PTPRA: variants seen among roughly 807,000 people sequenced by gnomAD.
PTPRA encodes protein tyrosine phosphatase receptor type A, also known as receptor-type tyrosine-protein phosphatase alpha.
In PTPRA, 25 loss-of-function variants were observed where a neutral mutation model predicts 104.8. The ratio of observed to expected loss-of-function variants is 0.24; its 90% CI spans 0.17 to 0.33. The LOEUF is 0.33. PTPRA is among the 10% of genes least tolerant of loss of function. PTPRA has a pLI of 1.00. For missense variants in PTPRA, 765 were observed against 1,015.3 expected, an observed-to-expected ratio of 0.75 and a Z score of 3.35; for synonymous variants, 323 against 368.9, an observed-to-expected ratio of 0.88 and a Z score of 1.43.
upstream of PTPRA, among the ~76,000 whole-genome samples, chr20:2,869,811 C>T (rs1019399873): frequency 2.0e-5 from 3 of 151,374 alleles, no homozygotes; most frequent in South Asian, 2.1e-4. Flanking sequence ...AGTAAAAATA[C>T]AAAAAAATTA....
chr20:2,995,131 A>G (rs2063347446), intron 9 of PTPRA, among the ~76,000 whole-genome samples: 1 of 152,200 alleles, frequency 6.6e-6, no homozygotes. Flanking sequence ...CTCCATCTCA[A>G]AAAAGAAAAG....
At chr20:2,937,720 T>C (rs1486356764) in intron 2 of PTPRA, among the ~76,000 whole-genome samples, 1 of 152,236 alleles carries the variant, frequency 6.6e-6, no homozygotes, top group Non-Finnish European at 1.5e-5. Context: ...CTGATAGAGT[T>C]TCTTTAGCCA....
At chr20:2,890,230 T>G (rs1295295602) in intron 1 of PTPRA, among the ~76,000 whole-genome samples, 1 of 152,072 alleles carries the variant, frequency 6.6e-6, no homozygotes, top group Non-Finnish European at 1.5e-5. Flanking sequence ...ATCAATTTTT[T>G]TTTTCCTGGT....
At chr20:2,987,152 A>G (rs2062945110) in intron 7 of PTPRA, among the ~76,000 whole-genome samples, 1 of 152,038 alleles carries the variant, frequency 6.6e-6, no homozygotes, top group African/African-American at 2.4e-5. Context: ...GCAGTTTGTT[A>G]TTAGTGACAG....
chr20:2,934,561 T>C (rs1367882074), intron 2 of PTPRA, among the ~76,000 whole-genome samples: 2 of 152,120 alleles, frequency 1.3e-5, no homozygotes, highest in Non-Finnish European at 2.9e-5. Flanking sequence ...CCTATTTGTA[T>C]ATGTGAACTT....
At chr20:3,013,920 T>A (rs1220785572) in intron 11 of PTPRA, among the ~76,000 whole-genome samples, 1 of 152,144 alleles carries the variant, frequency 6.6e-6, no homozygotes, top group Non-Finnish European at 1.5e-5. Context: ...GCCACATCAC[T>A]GTACAAGCAT....
intron 19 of PTPRA, 78 bp from the exon 20 acceptor site, chr20:3,027,629 C>G: frequency 1.9e-6 from 3 of 1,541,600 alleles, no homozygotes; most frequent in Non-Finnish European, 2.6e-6. Context: ...TCCCCATTCC[C>G]TTCTAGTGGT....
intron 6 of PTPRA, among the ~76,000 whole-genome samples, chr20:2,985,250 G>A (rs760501512): frequency 4.6e-5 from 7 of 152,236 alleles, no homozygotes; most frequent in Non-Finnish European, 8.8e-5. Flanking sequence ...GGGAGTCAGG[G>A]CAAATAGATT....
At chr20:2,887,702 C>T (rs1333960995) in intron 1 of PTPRA, among the ~76,000 whole-genome samples, 1 of 152,118 alleles carries the variant, frequency 6.6e-6, no homozygotes, top group African/African-American at 2.4e-5. Flanking sequence ...TGGCTTATTA[C>T]AATATTGTAA....
Position 3,022,297 on chromosome 20 carries a change from C to A in PTPRA, c.1328+77C>A. ...CCAGAGCAGGGGAACAGCACAAGGG[C>A]CCTGGCTGAGGAGGCTGGCACAGAG... On this transcript the variant is annotated intron_variant, in intron 15 of 23. Coordinates refer to ENST00000399903, the MANE Select transcript of PTPRA (RefSeq NM_001385305.1). The surrounding 1 kb of genome is among the most constrained non-coding windows in gnomAD (Gnocchi z 4.6). The A allele has an allele frequency of 1.3e-6, 2 of 1,538,410 alleles. No individual in the cohort carries two copies. Among genetic ancestry groups the A allele is most frequent in the South Asian group, 1.2e-5 (1 of 82,764 alleles).
chr20:3,026,492 T>C (rs940389480), intron 17 of PTPRA, among the ~76,000 whole-genome samples, 195 bp from the exon 18 acceptor site: 39 of 152,138 alleles, frequency 2.6e-4, no homozygotes, highest in Non-Finnish European at 7.3e-5. Context: ...CACAGGAGCC[T>C]GGAAGGTAGC....
intron 6 of PTPRA, among the ~76,000 whole-genome samples, chr20:2,981,698 G>C (rs969856274): frequency 1.3e-5 from 2 of 152,198 alleles, no homozygotes; most frequent in Non-Finnish European, 2.9e-5. Context: ...TGTCATTTGG[G>C]CTGTGGGTGT....
the PTPRA span, chr20:2,864,854 C>A: frequency 7.6e-7 from 1 of 1,323,962 alleles, no homozygotes; most frequent in Non-Finnish European, 1.1e-6. This position sits in a 1 kb window ranked among gnomAD's most constrained non-coding sequence, Gnocchi z 5.2. Context: ...GAGTGGTGCA[C>A]CTAGCAGGCA....
intron 13 of PTPRA, among the ~76,000 whole-genome samples, chr20:3,019,617 A>T (rs2064738028): frequency 1.4e-5 from 2 of 142,876 alleles, no homozygotes; most frequent in Admixed American, 1.4e-4. Context: ...GGGGCTCCTC[A>T]CATCCCAGAC....
intron 1 of PTPRA, among the ~76,000 whole-genome samples, chr20:2,891,795 A>G (rs531551656): frequency 6.6e-6 from 1 of 152,266 alleles, no homozygotes; most frequent in East Asian, 1.9e-4. Flanking sequence ...TGCCTTATAT[A>G]AAATGGCATA....
chr20:3,037,013 A>AC lies in PTPRA; in HGVS notation c.2199-137dup. The AC allele has an allele frequency of 1.3e-5, 16 of 1,191,210 alleles. No homozygotes were observed. Among genetic ancestry groups the AC allele is most frequent in the Non-Finnish European group, 1.8e-5 (15 of 842,646 alleles). The allele number at this position is 1,191,210 out of a possible 1,614,324, so 73.8% of individuals were successfully genotyped here. A position where few individuals can be genotyped will look rare whatever the true frequency, so the allele number is the denominator to read the frequency against. On this transcript the variant is annotated intron_variant, in intron 22 of 23. Coordinates refer to ENST00000399903, the MANE Select transcript of PTPRA (RefSeq NM_001385305.1). This position sits in a 1 kb window ranked among gnomAD's most constrained non-coding sequence, Gnocchi z 4.3. ...AGGGTACACTGCCTCCCGACCCAGA[A>AC]CCCCTCCAGGCTGGTGGGTCCACAG...
At chr20:2,936,223 C>T (rs2060695690) in intron 2 of PTPRA, among the ~76,000 whole-genome samples, 1 of 152,164 alleles carries the variant, frequency 6.6e-6, no homozygotes, top group Non-Finnish European at 1.5e-5. Context: ...TATTTACCTT[C>T]TCACCTTATT....
chr20:2,985,146 T>C (rs556006278), intron 6 of PTPRA, among the ~76,000 whole-genome samples: 171 of 152,344 alleles, frequency 1.1e-3, no homozygotes, highest in African/African-American at 4.1e-3. Flanking sequence ...GCTAAAAGGT[T>C]GAATCAGATG....
At chr20:3,005,269 C>T in intron 10 of PTPRA, 123 bp downstream of exon 10, 2 of 906,422 alleles carry the variant, frequency 2.2e-6, no homozygotes, top group Non-Finnish European at 3.5e-6. Flanking sequence ...GCGTTCATGG[C>T]AGTACTCAGT....
Sources: gnomAD v4.1 joint callset for allele counts (sites outside exome capture counted in the v4.1 genomes callset) on GRCh38, gnomAD v4.1.1 for gene constraint, Gnocchi (gnomAD v3.1) non-coding constraint, MANE v1.5 for transcripts, NCBI Gene and HGNC (gene_info 2026-07-23, HGNC 2026-07-21) for gene names.